The following CA1 variants were observed in gnomAD, a reference collection of about 807,000 sequenced individuals.
The protein encoded by CA1 is carbonate dehydratase I.
In CA1, 27 loss-of-function variants were observed where a neutral mutation model predicts 28.8. That is an observed-to-expected ratio of 0.94 (90% confidence interval 0.69 to 1.29). CA1 has a LOEUF of 1.29. CA1 is among the 50% of genes most tolerant of loss of function. CA1 has a pLI of 0.00. For missense variants in CA1, 335 were observed against 310.5 expected (o/e 1.08, Z -0.59); for synonymous variants, 121 against 108.8 (o/e 1.11, Z -0.70).
chr8:85,341,575 C>T (rs778647347), intron 2 of CA1, 24 bp downstream of exon 2: 1 of 1,416,758 alleles, frequency 7.1e-7, no homozygotes, highest in Admixed American at 1.7e-5. Context: ...TCATTTTGAT[C>T]TATATAAACA....
intron 3 of CA1, chr8:85,337,345 AT>A: frequency 4.8e-6 from 2 of 419,432 alleles, no homozygotes; most frequent in South Asian, 2.1e-5. Flanking sequence ...GCATATTGCA[AT>A]GTGAGTGAAT....
intron 4 of CA1, among the ~76,000 whole-genome samples, chr8:85,336,132 C>T (rs1808643565): frequency 6.6e-6 from 1 of 151,898 alleles, no homozygotes; most frequent in African/African-American, 2.4e-5. Flanking sequence ...AAATACTATG[C>T]TGACAGTAAA....
chr8:85,364,121 G>A (rs1440053998), intron 1 of CA1, among the ~76,000 whole-genome samples: 5 of 151,998 alleles, frequency 3.3e-5, no homozygotes, highest in African/African-American at 4.8e-5. Flanking sequence ...AGTTACAGGC[G>A]TGAGCCACTG....
chr8:85,353,696 A>G (rs1209011233), intron 1 of CA1, among the ~76,000 whole-genome samples: 5 of 151,840 alleles, frequency 3.3e-5, no homozygotes, highest in Non-Finnish European at 7.4e-5. Flanking sequence ...TGGCTTTGCA[A>G]CGTTCTTTTT....
chr8:85,348,343 A>G (rs1240460733), intron 1 of CA1, among the ~76,000 whole-genome samples: 2 of 152,232 alleles, frequency 1.3e-5, no homozygotes, highest in Non-Finnish European at 2.9e-5. Flanking sequence ...TTTAAATCAA[A>G]TGCTCAAGTC....
intron 2 of CA1, 31 bp from the exon 3 acceptor site, chr8:85,338,480 T>C (rs4740049): frequency 0.71 from 1,115,740 of 1,563,706 alleles, 403,701 homozygotes; most frequent in African/African-American, 0.92. Context: ...AAAATCAATG[T>C]CTTATCAAAT....
intron 1 of CA1, among the ~76,000 whole-genome samples, chr8:85,363,607 T>C (rs984845812): frequency 6.6e-6 from 1 of 152,244 alleles, no homozygotes; most frequent in Admixed American, 6.5e-5. Flanking sequence ...CCTTAGGCTC[T>C]TGTGGTAAAT....
chr8:85,333,659 G>A, intron 4 of CA1, 39 bp from the exon 5 acceptor site: 2 of 1,277,296 alleles, frequency 1.6e-6, no homozygotes, highest in Non-Finnish European at 2.3e-6. Context: ...ATTTATACCA[G>A]TGTGATGAAA....
rs1809561897 is a variant in CA1, at chr8:85,355,300, C to G, written c.-24-13641G>C. 2.0e-5 allele frequency among the ~76,000 whole-genome samples: 3 copies of G among 152,136 alleles called. No individual in the cohort carries two copies. The South Asian group carries it at 6.2e-4, about 31-fold the overall frequency. On this transcript the variant is annotated intron_variant, in intron 1 of 7. Transcript: ENST00000523022. ...AACATCACCCCAAAATTGTTTTTCT[C>G]TAACTGAAGTATGAAGGTGAATATA...
chr8:85,363,156 G>T (rs1444960246), intron 1 of CA1, among the ~76,000 whole-genome samples: 1 of 152,112 alleles, frequency 6.6e-6, no homozygotes, highest in Non-Finnish European at 1.5e-5. Flanking sequence ...TTTGCTTTTG[G>T]CAACCTCTTG....
At chr8:85,354,165 C>T (rs539788585) in intron 1 of CA1, among the ~76,000 whole-genome samples, 4 of 149,862 alleles carry the variant, frequency 2.7e-5, no homozygotes, top group East Asian at 2.0e-4. Context: ...AGTAGGAATG[C>T]GGTTTCACCA....
intron 1 of CA1, 130 bp from the exon 2 acceptor site, chr8:85,341,789 T>G (rs1160830682): frequency 3.2e-6 from 2 of 631,832 alleles, no homozygotes; most frequent in Admixed American, 5.0e-5. Flanking sequence ...TCATCTCTGC[T>G]TATCAGGAAG....
chr8:85,340,518 C>G (rs1038064868), intron 2 of CA1, among the ~76,000 whole-genome samples: 22 of 152,326 alleles, frequency 1.4e-4, no homozygotes, highest in African/African-American at 4.8e-4. Flanking sequence ...CCTGCTAACA[C>G]AGCATCTATT....
At chr8:85,364,351 T>C (rs1809923897) in intron 1 of CA1, among the ~76,000 whole-genome samples, 2 of 152,336 alleles carry the variant, frequency 1.3e-5, no homozygotes, top group South Asian at 2.1e-4. Flanking sequence ...TTTTACATCT[T>C]TCTTATGACA....
intron 1 of CA1, among the ~76,000 whole-genome samples, chr8:85,375,909 T>A (rs1252217489): frequency 2.6e-5 from 4 of 152,198 alleles, no homozygotes; most frequent in Admixed American, 2.6e-4. Context: ...GGATTCTTGA[T>A]ATTGAACTGG....
intron 1 of CA1, among the ~76,000 whole-genome samples, chr8:85,344,276 T>TTGA (rs1564029694): frequency 4.6e-5 from 3 of 65,358 alleles, no homozygotes; most frequent in Admixed American, 1.6e-4. Context: ...AATATATAAT[T>TTGA]ATATATTATA....
intron 1 of CA1, among the ~76,000 whole-genome samples, chr8:85,361,998 A>G (rs1809815380): frequency 6.6e-6 from 1 of 152,200 alleles, no homozygotes; most frequent in Admixed American, 6.5e-5. Flanking sequence ...GCCTCTTACA[A>G]TACAAATTTA....
At chr8:85,371,533 C>T (rs148606453) in intron 1 of CA1, among the ~76,000 whole-genome samples, 2 of 152,040 alleles carry the variant, frequency 1.3e-5, no homozygotes, top group Non-Finnish European at 1.5e-5. Context: ...TGTAGTACAC[C>T]CAAGCAGAAA....
chr8:85,366,611 T>C (rs371615270), intron 1 of CA1, among the ~76,000 whole-genome samples: 2 of 152,334 alleles, frequency 1.3e-5, no homozygotes, highest in African/African-American at 4.8e-5. Flanking sequence ...ATTCCACTTT[T>C]AGGAGTCTGT....
Sources: gnomAD v4.1 joint callset for allele counts (sites outside exome capture counted in the v4.1 genomes callset) on GRCh38, gnomAD v4.1.1 for gene constraint, MANE v1.5 for transcripts, NCBI Gene and HGNC (gene_info 2026-07-23, HGNC 2026-07-21) for gene names.